The following CDH18 variants were observed in gnomAD, a reference collection of about 807,000 sequenced individuals.
CDH18 encodes cadherin-18.
CDH18 carries 31 observed loss-of-function variants against 67.9 expected under a neutral mutation model. The observed-to-expected ratio is 0.46, with a 90% confidence interval of 0.34 to 0.62. The LOEUF (loss-of-function observed/expected upper bound fraction) is 0.62. Among genes scored for constraint, CDH18 ranks in the 20% least tolerant of loss-of-function variants. The pLI is 0.01. For synonymous variants in CDH18, 362 were observed against 347.2 expected, an observed-to-expected ratio of 1.04 and a Z score of -0.48; for missense variants, 890 against 975.5, an observed-to-expected ratio of 0.91 and a Z score of 1.17.
chr5:20,012,159 T>G lies in CDH18; in HGVS notation c.-517-20145A>C, dbSNP rs369213684. 6.1e-4 allele frequency among the ~76,000 whole-genome samples: 92 copies of G among 152,006 alleles called. No homozygotes were observed. The South Asian group carries it at 0.016, about 27-fold the overall frequency. On this transcript the variant is annotated intron_variant, in intron 2 of 14. Transcript: ENST00000507958. Reference sequence around the variant, plus strand: ...ATGGTTCAATTTCTTCCTGGTTCAGTCTTGGGAGGGTGTATATATCTAGGA... The same window carrying G: ...ATGGTTCAATTTCTTCCTGGTTCAGGCTTGGGAGGGTGTATATATCTAGGA...
chr5:19,849,344 G>A (rs147010515), intron 2 of CDH18, among the ~76,000 whole-genome samples: 2 of 151,946 alleles, frequency 1.3e-5, no homozygotes, highest in African/African-American at 4.8e-5. Flanking sequence ...TAAACATCTA[G>A]AGTTAATAGT....
At chr5:19,871,415 A>C (rs1197210006) in intron 2 of CDH18, among the ~76,000 whole-genome samples, 1 of 152,098 alleles carries the variant, frequency 6.6e-6, no homozygotes, top group African/African-American at 2.4e-5. Context: ...ATAAACTTCT[A>C]TTCAAGACCC....
At chr5:19,657,411 C>T (rs2150297585) in intron 5 of CDH18, among the ~76,000 whole-genome samples, 1 of 152,066 alleles carries the variant, frequency 6.6e-6, no homozygotes, top group East Asian at 1.9e-4. Context: ...TCGGTAGAAC[C>T]AACGACTTCA....
intron 2 of CDH18, among the ~76,000 whole-genome samples, chr5:19,846,446 G>A (rs1782961040): frequency 6.6e-6 from 1 of 151,976 alleles, no homozygotes; most frequent in South Asian, 2.1e-4. Flanking sequence ...CATCATTCCA[G>A]CATTCTGTTT....
chr5:19,786,952 GA>G (rs1276825540), intron 3 of CDH18, among the ~76,000 whole-genome samples: 4 of 152,086 alleles, frequency 2.6e-5, no homozygotes, highest in Non-Finnish European at 5.9e-5. Flanking sequence ...ACCCTTCGCT[GA>G]AAACTAAACT....
At chr5:19,504,636 T>G (rs1486830064) in intron 10 of CDH18, among the ~76,000 whole-genome samples, 1 of 152,092 alleles carries the variant, frequency 6.6e-6, no homozygotes, top group Non-Finnish European at 1.5e-5. Flanking sequence ...TAAATAAATA[T>G]TTAAGCAGGC....
At chr5:19,643,654 C>T (rs1166775564) in intron 5 of CDH18, among the ~76,000 whole-genome samples, 2 of 152,012 alleles carry the variant, frequency 1.3e-5, no homozygotes, top group East Asian at 1.9e-4. Context: ...AGTAGAATGA[C>T]GGTTACTAGT....
In CDH18 at chr5:19,721,543, T is replaced by C. The variant is rs1581054592; in HGVS notation, c.524-77A>G. On this transcript the variant is annotated intron_variant, in intron 4 of 12. Transcript: ENST00000382275. ...TTAATTTGAACACAGAAAATGGGTA[T>C]GCTGAAATAGCTATGGAGATCAGTA... The C allele has an allele frequency of 2.2e-6, 3 of 1,372,502 alleles. No individual in the cohort carries two copies. In the African/African-American group the frequency reaches 4.3e-5, roughly 20 times the overall value. The allele number at this position is 1,372,502 out of a possible 1,614,324, so 85.0% of individuals were successfully genotyped here.
intron 10 of CDH18, among the ~76,000 whole-genome samples, chr5:19,506,737 T>G (rs1391310183): frequency 6.6e-6 from 1 of 152,204 alleles, no homozygotes; most frequent in Non-Finnish European, 1.5e-5. Flanking sequence ...TCCTTACACC[T>G]TATACAAAAA....
intron 1 of CDH18, among the ~76,000 whole-genome samples, chr5:20,491,173 G>A (rs1753560186): frequency 6.6e-6 from 1 of 150,758 alleles, no homozygotes. Flanking sequence ...TTCTCCCTAT[G>A]ATGTTTAGGT....
chr5:20,476,154 A>T (rs949325487), intron 1 of CDH18, among the ~76,000 whole-genome samples: 2 of 152,214 alleles, frequency 1.3e-5, no homozygotes, highest in South Asian at 2.1e-4. Flanking sequence ...TAAGGATGTT[A>T]TCCATAACAG....
intron 1 of CDH18, among the ~76,000 whole-genome samples, chr5:20,470,394 C>A (rs1751962663): frequency 6.6e-6 from 1 of 152,192 alleles, no homozygotes; most frequent in Admixed American, 6.5e-5. Context: ...TACATGATCT[C>A]ATTTTAAATC....
rs150040415 is a variant in CDH18, at chr5:20,108,484, T to C, written c.-517-116470A>G. Among the ~76,000 whole-genome samples the C allele has an allele frequency of 2.6e-3, 397 of 152,228 alleles. 1 individual carries two copies. The highest frequency in any genetic ancestry group is 9.0e-3 in the African/African-American group (373 of 41,534). Reference sequence around the variant, plus strand: ...ATGTGTGAATTTCAGGTAGACGCAATTTAGCCCATGACATCCACCTTGTCA... The same window carrying C: ...ATGTGTGAATTTCAGGTAGACGCAACTTAGCCCATGACATCCACCTTGTCA... On this transcript the variant is annotated intron_variant, in intron 2 of 14. Transcript: ENST00000507958.
At chr5:19,541,783 T>C (rs1332934663) in intron 9 of CDH18, among the ~76,000 whole-genome samples, 3 of 152,134 alleles carry the variant, frequency 2.0e-5, no homozygotes, top group Non-Finnish European at 4.4e-5. Flanking sequence ...CAGGTGGGAA[T>C]TATGCGAGCT....
intron 2 of CDH18, among the ~76,000 whole-genome samples, chr5:20,003,290 G>A (rs1736594864): frequency 6.6e-6 from 1 of 151,948 alleles, no homozygotes; most frequent in Non-Finnish European, 1.5e-5. Context: ...TCAGTATGTG[G>A]CTGTGTTTGT....
chr5:20,296,559 C>A (rs1054685176), intron 1 of CDH18, among the ~76,000 whole-genome samples: 2 of 152,098 alleles, frequency 1.3e-5, no homozygotes, highest in African/African-American at 2.4e-5. Flanking sequence ...CCGCCCCCGG[C>A]CCACTAAGTT....
chr5:20,056,469 C>CTTTTTTT (rs1580139083), intron 2 of CDH18, among the ~76,000 whole-genome samples: 1 of 16,984 alleles, frequency 5.9e-5, no homozygotes, highest in African/African-American at 2.2e-4. Flanking sequence ...TCTTTATTTT[C>CTTTTTTT]TTTCTTTTGT....
chr5:19,931,565 A>C (rs1283454780), intron 2 of CDH18, among the ~76,000 whole-genome samples: 6 of 151,956 alleles, frequency 3.9e-5, no homozygotes, highest in South Asian at 2.1e-4. Flanking sequence ...ACAGCATTTC[A>C]AAGTAGAAAG....
intron 2 of CDH18, among the ~76,000 whole-genome samples, chr5:20,122,740 G>A (rs1304077382): frequency 6.7e-6 from 1 of 150,260 alleles, no homozygotes; most frequent in Non-Finnish European, 1.5e-5. Context: ...ACGAATGTTT[G>A]ACTATTTTAA....
Sources: allele counts gnomAD v4.1 joint callset (sites outside exome capture counted in the v4.1 genomes callset), GRCh38; gene constraint gnomAD v4.1.1; transcripts MANE v1.5; gene names NCBI Gene and HGNC (gene_info 2026-07-23, HGNC 2026-07-21).